The following DIP2C variants were observed in gnomAD, a reference collection of about 807,000 sequenced individuals.
DIP2C encodes the protein disco-interacting protein 2 homolog C.
Under a neutral mutation model 192.4 loss-of-function variants are expected in DIP2C, and 33 were observed. The observed-to-expected ratio is 0.17, with a 90% CI of 0.13 to 0.23. DIP2C has a LOEUF of 0.23. Ranked by LOEUF, DIP2C falls within the 10% of genes least tolerant of loss-of-function variation. DIP2C has a pLI of 1.00. For missense variants in DIP2C, 1,537 were observed against 2,110.1 expected, an observed-to-expected ratio of 0.73 and a Z score of 5.32; for synonymous variants, 979 against 864.1, an observed-to-expected ratio of 1.13 and a Z score of -2.33.
chr10:369,795 G>T, intron 17 of DIP2C, 162 bp from the exon 18 acceptor site: 1 of 1,361,522 alleles, frequency 7.3e-7, no homozygotes, highest in Non-Finnish European at 1.0e-6. Context: ...GGGGATGCTC[G>T]TTCTGTTTAT....
chr10:414,717 G>GTGTGTA (rs1965434400), intron 7 of DIP2C, among the ~76,000 whole-genome samples: 2 of 69,598 alleles, frequency 2.9e-5, no homozygotes, highest in African/African-American at 1.2e-4. Context: ...ATGTGTGTGT[G>GTGTGTA]TGTGTGTGTG....
chr10:378,711 GCA>G lies in DIP2C; in HGVS notation c.1991+3934_1991+3935del, dbSNP rs557692156. 2.6e-3 allele frequency among the ~76,000 whole-genome samples: 398 copies of G among 150,592 alleles called. 1 individual carries two copies. The highest frequency in any genetic ancestry group is 7.2e-3 in the South Asian group (34 of 4,736). The stretch of plus-strand genomic sequence containing the variant: ...CATGCATACACACATGAACAGATAT[GCA>G]CAGACACGTGAACAGACATGCATAA... On this transcript the variant is annotated intron_variant, in intron 17 of 36. Coordinates refer to ENST00000280886, the MANE Select transcript of DIP2C (RefSeq NM_014974.3).
intron 1 of DIP2C, among the ~76,000 whole-genome samples, chr10:507,265 G>A (rs1267048411): frequency 6.6e-6 from 1 of 151,012 alleles, no homozygotes; most frequent in African/African-American, 2.4e-5. Flanking sequence ...GTCACCCGCT[G>A]TGTCCAATCA....
intron 1 of DIP2C, among the ~76,000 whole-genome samples, chr10:522,991 G>A (rs974205121): frequency 1.3e-5 from 2 of 151,890 alleles, no homozygotes; most frequent in African/African-American, 4.8e-5. Context: ...CTGGAGTGAG[G>A]ATGCACGGAC....
chr10:386,112 GACA>G (rs577787512), intron 14 of DIP2C, among the ~76,000 whole-genome samples: 2 of 152,312 alleles, frequency 1.3e-5, no homozygotes, highest in East Asian at 1.9e-4. Flanking sequence ...GGGCTGTGTG[GACA>G]ACGTCACAGC....
intron 1 of DIP2C, among the ~76,000 whole-genome samples, chr10:515,979 A>C (rs1361115044): frequency 1.3e-5 from 2 of 151,844 alleles, no homozygotes; most frequent in Non-Finnish European, 2.9e-5. Context: ...GGCACTAAGA[A>C]TATGTCTGTG....
intron 1 of DIP2C, among the ~76,000 whole-genome samples, chr10:650,619 C>T (rs1855818178): frequency 6.6e-6 from 1 of 152,198 alleles, no homozygotes; most frequent in Non-Finnish European, 1.5e-5. Flanking sequence ...CAGCACCTTC[C>T]ACCTGCCGAG....
intron 29 of DIP2C, among the ~76,000 whole-genome samples, chr10:338,330 C>A (rs961489412): frequency 6.6e-6 from 1 of 152,130 alleles, no homozygotes; most frequent in African/African-American, 2.4e-5. Flanking sequence ...CGTGTCCTGG[C>A]CTCACGTTCA....
intron 1 of DIP2C, among the ~76,000 whole-genome samples, chr10:550,598 A>C (rs1024040145): frequency 6.6e-6 from 1 of 152,146 alleles, no homozygotes; most frequent in Non-Finnish European, 1.5e-5. Context: ...GACCTCCCAG[A>C]AGCTCTTCTC....
chr10:548,068 G>A (rs973592512), intron 1 of DIP2C, among the ~76,000 whole-genome samples: 2 of 152,160 alleles, frequency 1.3e-5, no homozygotes, highest in African/African-American at 4.8e-5. Context: ...TGCTTGTGTT[G>A]CCTCATTGGC....
intron 15 of DIP2C, 103 bp from the exon 16 acceptor site, chr10:384,249 T>C (rs1186499442): frequency 4.1e-5 from 38 of 924,092 alleles, no homozygotes; most frequent in Middle Eastern, 2.4e-4. Flanking sequence ...GAAGAATCAC[T>C]GGTCACCCAG....
chr10:360,260 A>T (rs1959291437), intron 22 of DIP2C, among the ~76,000 whole-genome samples: 4 of 151,806 alleles, frequency 2.6e-5, no homozygotes, highest in Admixed American at 1.3e-4. Flanking sequence ...GCTGCACCTC[A>T]CTCTCAAAGT....
intron 1 of DIP2C, among the ~76,000 whole-genome samples, chr10:520,002 G>A (rs1846596435): frequency 6.6e-6 from 1 of 152,238 alleles, no homozygotes; most frequent in Non-Finnish European, 1.5e-5. Context: ...TCCACTCGGA[G>A]TAACAGCGAT....
chr10:639,997 G>C (rs1855081570), intron 1 of DIP2C, among the ~76,000 whole-genome samples: 1 of 151,532 alleles, frequency 6.6e-6, no homozygotes, highest in African/African-American at 2.4e-5. Flanking sequence ...CTGTGGGCCT[G>C]TGCATGTCCC....
chr10:573,462 G>C (rs995328548), intron 1 of DIP2C, among the ~76,000 whole-genome samples: 5 of 152,194 alleles, frequency 3.3e-5, no homozygotes, highest in African/African-American at 4.8e-5. Flanking sequence ...AGGCTTGACG[G>C]CAGGGGCGCC....
At chr10:541,639 G>A (rs188277449) in intron 1 of DIP2C, among the ~76,000 whole-genome samples, 272 of 127,658 alleles carry the variant, frequency 2.1e-3, no homozygotes, top group African/African-American at 7.3e-3. Flanking sequence ...ACCCCACAGC[G>A]TGACCCTCCA....
At chr10:597,522 G>A (rs1010711011) in intron 1 of DIP2C, among the ~76,000 whole-genome samples, 1 of 152,228 alleles carries the variant, frequency 6.6e-6, no homozygotes, top group Non-Finnish European at 1.5e-5. Context: ...GGTGTGTGCC[G>A]AGGACACGCT....
rs1847829915 is a variant in DIP2C, at chr10:538,773, T to TA, written c.86-52244dup. On this transcript the variant is annotated intron_variant, in intron 1 of 36. Coordinates refer to ENST00000280886, the MANE Select transcript of DIP2C (RefSeq NM_014974.3). ...CTTTTTAACAAAAGATAACTGTACC[T>TA]ATTAATACTATCACAATTCTAAATT... Among the ~76,000 whole-genome samples the TA allele has an allele frequency of 3.3e-5, 5 of 152,378 alleles. No individual in the cohort carries two copies. In the South Asian group the frequency reaches 1.0e-3, roughly 32 times the overall value.
chr10:377,370 C>T (rs1045045983), intron 17 of DIP2C, among the ~76,000 whole-genome samples: 11 of 152,210 alleles, frequency 7.2e-5, no homozygotes, highest in African/African-American at 2.4e-4. Flanking sequence ...AACTTCTCAT[C>T]ATCTAATTCA....
Sources: gnomAD v4.1 joint callset for allele counts (sites outside exome capture counted in the v4.1 genomes callset) on GRCh38, gnomAD v4.1.1 for gene constraint, MANE v1.5 for transcripts, NCBI Gene and HGNC (gene_info 2026-07-23, HGNC 2026-07-21) for gene names.